FOXN4: variants seen among roughly 807,000 people sequenced by gnomAD.
The protein encoded by FOXN4 is forkhead box protein N4.
In FOXN4, 12 loss-of-function variants were observed where a neutral mutation model predicts 45.0. The ratio of observed to expected loss-of-function variants is 0.27; its 90% CI spans 0.17 to 0.43. FOXN4 has a LOEUF of 0.43. Among genes scored for constraint, FOXN4 ranks in the 20% least tolerant of loss-of-function variants. FOXN4 has a pLI of 1.00. For synonymous variants in FOXN4, 297 were observed against 295.0 expected (o/e 1.01, Z -0.07); for missense variants, 560 against 694.9 (o/e 0.81, Z 2.18).
rs2047865743 is a variant in FOXN4, at chr12:109,301,198, G to A, written c.86+7038C>T. On this transcript the variant is annotated intron_variant, in intron 2 of 9. Coordinates refer to ENST00000299162, the MANE Select transcript of FOXN4 (RefSeq NM_213596.3). Reference sequence around the variant, plus strand: ...GTCCAGCTCCACTCTTAATGGGGAAGTCTTGGGAAGATAACTCAATGCCCT... The same window carrying A: ...GTCCAGCTCCACTCTTAATGGGGAAATCTTGGGAAGATAACTCAATGCCCT... 2.6e-5 allele frequency among the ~76,000 whole-genome samples: 4 copies of A among 152,204 alleles called. No homozygotes were observed. The South Asian group carries it at 8.3e-4, about 32-fold the overall frequency.
At chr12:109,296,081 C>T (rs1484550540) in intron 2 of FOXN4, among the ~76,000 whole-genome samples, 2 of 152,210 alleles carry the variant, frequency 1.3e-5, no homozygotes, top group African/African-American at 2.4e-5. Context: ...CCAGGGTCCC[C>T]GATCTCCCAT....
At position 109,278,303 on chromosome 12, in the gene FOXN4, A is replaced by C. The variant is rs947066924; in HGVS notation, c.*1368T>G. On this transcript the variant is annotated 3_prime_UTR_variant, in exon 10 of 10. Transcript: ENST00000299162. The stretch of plus-strand genomic sequence containing the variant: ...CTCTAGGGTTCGGGAACTCCCAGAC[A>C]CCAAGTCAACATCCATCTGGTGGAA... 2 of 152,236 alleles carry C rather than the reference A, an allele frequency of 1.3e-5. No homozygotes were observed. The highest frequency in any genetic ancestry group is 2.9e-5 in the Non-Finnish European group (2 of 68,034). 9.4% of individuals were successfully genotyped at this position (152,236 alleles called of 1,614,324 possible). A position where few individuals can be genotyped will look rare whatever the true frequency, so the allele number is the denominator to read the frequency against.
rs1218932391 is a variant in FOXN4, at chr12:109,287,181, G to A, written c.596+216C>T. On this transcript the variant is annotated intron_variant, in intron 6 of 9. Transcript: ENST00000299162. The surrounding 1 kb of genome is among the most constrained non-coding windows in gnomAD (Gnocchi z 4.1). ...GTGGCTTATGAATGAAGTGAACTGT[G>A]GCACTGGACTCAGGTCTGCAGTGGG... Among the ~76,000 whole-genome samples the A allele has an allele frequency of 6.6e-6, 1 of 152,166 alleles. No individual in the cohort carries two copies. Among genetic ancestry groups the A allele is most frequent in the Non-Finnish European group, 1.5e-5 (1 of 68,034 alleles).
At chr12:109,298,018 TGTG>T (rs2047833188) in intron 2 of FOXN4, among the ~76,000 whole-genome samples, 1 of 152,220 alleles carries the variant, frequency 6.6e-6, no homozygotes, top group East Asian at 1.9e-4. Flanking sequence ...GGAAAAAATC[TGTG>T]GTGTTCTTAC....
In FOXN4 at chr12:109,278,166, CG is replaced by C. The variant is rs1473040738; in HGVS notation, c.*1504del. ...ATTGTGTCTAAGGGTGGTGGATACT[CG>C]GTAGAAAGTTCCAGAACTGGGAAAA... On this transcript the variant is annotated 3_prime_UTR_variant, in exon 10 of 10. Coordinates refer to ENST00000299162, the MANE Select transcript of FOXN4 (RefSeq NM_213596.3). 6.6e-6 allele frequency: 1 copy of C among 152,224 alleles called. No individual in the cohort carries two copies. The highest frequency in any genetic ancestry group is 2.4e-5 in the African/African-American group (1 of 41,454). 9.4% of individuals were successfully genotyped at this position (152,224 alleles called of 1,614,324 possible).
Position 109,279,498 on chromosome 12 carries a change from G to C in FOXN4, c.*173C>G, listed in dbSNP as rs992947080. The stretch of plus-strand genomic sequence containing the variant: ...CCGGAAGCTCCAGGGGGAGGCACGA[G>C]AAGGAGAGGGGCTGCTGAGGGGAAC... On this transcript the variant is annotated 3_prime_UTR_variant, in exon 10 of 10. Coordinates refer to ENST00000299162, the MANE Select transcript of FOXN4 (RefSeq NM_213596.3). 4.6e-5 allele frequency: 44 copies of C among 958,060 alleles called. No homozygotes were observed. Among genetic ancestry groups the C allele is most frequent in the Non-Finnish European group, 6.7e-5 (44 of 661,472 alleles). 59.3% of individuals were successfully genotyped at this position (958,060 alleles called of 1,614,324 possible).
At chr12:109,281,104 C>T (rs948471777) in intron 9 of FOXN4, among the ~76,000 whole-genome samples, 2 of 152,220 alleles carry the variant, frequency 1.3e-5, no homozygotes, top group African/African-American at 4.8e-5. Context: ...ACAGCAAATG[C>T]TCATTCCCTG....
rs2047626874 is a variant in FOXN4 at position 109,278,752 on chromosome 12, T to TGTGAATCATGAACAGGTA, written c.*901_*918dup. The TGTGAATCATGAACAGGTA allele has an allele frequency of 6.6e-6, 1 of 151,538 alleles. No individual in the cohort carries two copies. The highest frequency in any genetic ancestry group is 2.1e-4 in the South Asian group (1 of 4,806). 9.4% of individuals were successfully genotyped at this position (151,538 alleles called of 1,614,324 possible). A position where few individuals can be genotyped will look rare whatever the true frequency, so the allele number is the denominator to read the frequency against. ...CCTCTTAGGTACATGCAAGAAGAGA[T>TGTGAATCATGAACAGGTA]GTGAATCATGAACAGGTAGAAAAAT... is the stretch of plus-strand genomic sequence containing the variant. On this transcript the variant is annotated 3_prime_UTR_variant, in exon 10 of 10. Coordinates refer to ENST00000299162, the MANE Select transcript of FOXN4 (RefSeq NM_213596.3).
intron 8 of FOXN4, 125 bp from the exon 9 acceptor site, chr12:109,281,924 A>G (rs1467388060): frequency 1.8e-6 from 2 of 1,113,942 alleles, no homozygotes; most frequent in Non-Finnish European, 2.5e-6. Flanking sequence ...GACACTCAGA[A>G]CCTCTGTCTC....
rs2047632116 is a variant in FOXN4 at position 109,279,530 on chromosome 12, C to T, written c.*141G>A. 9.9e-6 allele frequency: 13 copies of T among 1,315,290 alleles called. No individual in the cohort carries two copies. The highest frequency in any genetic ancestry group is 1.3e-5 in the Non-Finnish European group (13 of 971,538). The allele number at this position is 1,315,290 out of a possible 1,614,324, so 81.5% of individuals were successfully genotyped here. ...AGGGGCTGCTGAGGGGAACCGCTTCCCTGTCCAGCCGGCAACTTCGCCACA... is the reference window on the plus strand; with the variant it reads ...AGGGGCTGCTGAGGGGAACCGCTTCTCTGTCCAGCCGGCAACTTCGCCACA... On this transcript the variant is annotated 3_prime_UTR_variant, in exon 10 of 10. Coordinates refer to ENST00000299162, the MANE Select transcript of FOXN4 (RefSeq NM_213596.3).
In FOXN4 at chr12:109,281,496, C is replaced by A; in HGVS notation, c.1205G>T (p.Arg402Met). The A allele has an allele frequency of 1.2e-6, 2 of 1,613,994 alleles. No homozygotes were observed. The highest frequency in any genetic ancestry group is 1.3e-5 in the African/African-American group (1 of 75,050). ...PSPLPHPAMG[R>M]APVDFINIST... ...GATGTTGATGAAGTCTACAGGAGCCCTTCCCATGGCGGGGTGGGGGAGCGG... is the reference window on the plus strand; with the variant it reads ...GATGTTGATGAAGTCTACAGGAGCCATTCCCATGGCGGGGTGGGGGAGCGG... Residue 402 changes from arginine (R) to methionine (M), a missense_variant, in exon 9 of 10, where the codon AGG becomes ATG. Arg to Met is a moderately conservative substitution (Grantham distance 91). Coordinates refer to ENST00000299162, the MANE Select transcript of FOXN4 (RefSeq NM_213596.3).
chr12:109,299,506 C>T (rs912323993), intron 2 of FOXN4, among the ~76,000 whole-genome samples: 2 of 152,170 alleles, frequency 1.3e-5, no homozygotes, highest in Non-Finnish European at 2.9e-5. Context: ...CAGGTGACCT[C>T]GCCAAATCCC....
In FOXN4 at chr12:109,285,538, G is replaced by A. The variant is rs777993551; in HGVS notation, c.694-27C>T. On this transcript the variant is annotated intron_variant, in intron 7 of 9. Transcript: ENST00000299162. ...TATGAAGACACATGGGCATTCAGAG[G>A]CCTCCCTGTAAGCCCTTCCCCCTAC... 3.1e-6 allele frequency: 5 copies of A among 1,612,296 alleles called. No homozygotes were observed. The South Asian group carries it at 5.5e-5, about 18-fold the overall frequency.
intron 2 of FOXN4, among the ~76,000 whole-genome samples, chr12:109,300,993 C>G (rs2047863935): frequency 6.6e-6 from 1 of 152,170 alleles, no homozygotes; most frequent in Non-Finnish European, 1.5e-5. Context: ...GTCAGGGGAC[C>G]CTGTGGTAGC....
At chr12:109,289,831 G>A (rs1488764422) in intron 3 of FOXN4, among the ~76,000 whole-genome samples, 2 of 152,188 alleles carry the variant, frequency 1.3e-5, no homozygotes, top group African/African-American at 2.4e-5. Context: ...ACAAAAACAG[G>A]TCGTAGGCTG....
intron 2 of FOXN4, among the ~76,000 whole-genome samples, chr12:109,296,705 G>A (rs552252883): frequency 1.6e-4 from 24 of 152,136 alleles, no homozygotes; most frequent in Non-Finnish European, 3.2e-4. Context: ...CCCAGGGGAG[G>A]AGCCAAACTC....
chr12:109,286,705 G>A lies in FOXN4; in HGVS notation c.636C>T (p.Gly212=). The A allele has an allele frequency of 6.2e-7, 1 of 1,608,614 alleles. No homozygotes were observed. The highest frequency in any genetic ancestry group is 8.5e-7 in the Non-Finnish European group (1 of 1,179,568). The change falls in exon 7 of 10, where the codon GGC becomes GGT. Residue 212 remains glycine (G), a synonymous_variant. Coordinates refer to ENST00000299162, the MANE Select transcript of FOXN4 (RefSeq NM_213596.3). ...IAMALKNSKT[G]SLPVSEIYSF... is the part of the protein sequence containing the mutation. ...TGTAGATCTCGCTCACAGGCAGGCT[G>A]CCTGTCTTGCTGTTCTTCAGGGCCA...
intron 2 of FOXN4, among the ~76,000 whole-genome samples, chr12:109,293,540 C>A (rs574479742): frequency 6.6e-6 from 1 of 152,318 alleles, no homozygotes; most frequent in Non-Finnish European, 1.5e-5. Flanking sequence ...CTCTGTCACC[C>A]AGGCTAGAAT....
At chr12:109,299,357 TGTGCACACACAC>T (rs899532166) in intron 2 of FOXN4, among the ~76,000 whole-genome samples, 29 of 152,160 alleles carry the variant, frequency 1.9e-4, no homozygotes, top group Middle Eastern at 6.8e-3. Flanking sequence ...TGCACACATG[TGTGCACACACAC>T]GTGCACACAC....
Sources: gnomAD v4.1 joint callset for allele counts (sites outside exome capture counted in the v4.1 genomes callset) on GRCh38, gnomAD v4.1.1 for gene constraint, Gnocchi (gnomAD v3.1) non-coding constraint, MANE v1.5 for transcripts, NCBI Gene and HGNC (gene_info 2026-07-23, HGNC 2026-07-21) for gene names.